The following USP34 variants were observed in gnomAD, a reference collection of about 807,000 sequenced individuals.
The protein encoded by USP34 is ubiquitin specific peptidase 34, also known as ubiquitin carboxyl-terminal hydrolase 34.
USP34 carries 70 observed loss-of-function variants against 460.3 expected under a neutral mutation model. The observed-to-expected ratio is 0.15, with a 90% CI of 0.13 to 0.19. The LOEUF (loss-of-function observed/expected upper bound fraction) is 0.19, where lower values mean the gene tolerates loss of function less well. Ranked by LOEUF, USP34 falls within the 10% of genes least tolerant of loss-of-function variation. The pLI is 1.00. For missense variants in USP34, 3,985 were observed against 4,236.2 expected (o/e 0.94, Z 1.65); for synonymous variants, 1,647 against 1,405.3 (o/e 1.17, Z -3.85).
intron 41 of USP34, among the ~76,000 whole-genome samples, chr2:61,270,476 G>A (rs1689178819): frequency 6.6e-6 from 1 of 152,100 alleles, no homozygotes; most frequent in Admixed American, 6.6e-5. Flanking sequence ...TTGCTTTGTT[G>A]CCAGGCTGGA....
At chr2:61,437,788 A>AATAAATAAATAAATAG (rs1694857133) in intron 1 of USP34, among the ~76,000 whole-genome samples, 1 of 148,760 alleles carries the variant, frequency 6.7e-6, no homozygotes, top group Admixed American at 6.7e-5. Flanking sequence ...TAAATAAATA[A>AATAAATAAATAAATAG]ATAAATAAAT....
intron 23 of USP34, among the ~76,000 whole-genome samples, chr2:61,316,482 G>T (rs895209731): frequency 2.0e-5 from 3 of 151,988 alleles, no homozygotes; most frequent in African/African-American, 7.3e-5. Context: ...CTACTCAAGA[G>T]GCTGAGGCAT....
chr2:61,457,214 T>C (rs568238770), intron 1 of USP34, among the ~76,000 whole-genome samples: 1 of 152,120 alleles, frequency 6.6e-6, no homozygotes, highest in Non-Finnish European at 1.5e-5. Context: ...AGGTCAAGAC[T>C]ACAGTGAGCC....
intron 61 of USP34, among the ~76,000 whole-genome samples, chr2:61,227,587 T>C (rs952114796): frequency 4.7e-4 from 72 of 152,198 alleles, no homozygotes; most frequent in African/African-American, 1.7e-3. Flanking sequence ...GGCACGCGCT[T>C]GTAATCCCTG....
rs1363296271 is a variant in USP34 at position 61,188,267 on chromosome 2, G to C, written c.10476C>G (p.Pro3492=). The change falls in exon 80 of 80, where the codon CCC becomes CCG. Residue 3492 remains proline (P), a synonymous_variant. Coordinates refer to ENST00000398571, the MANE Select transcript of USP34 (RefSeq NM_014709.4). ...DLRSCDGQAL[P]SQDPEVALSL... is the part of the protein sequence containing the mutation. ...ATAAAGCAACCTCAGGGTCCTGGGA[G>C]GGCAAAGCTTGGCCATCACAGCTTC... 1.9e-6 allele frequency: 3 copies of C among 1,614,056 alleles called. No individual in the cohort carries two copies. The South Asian group carries it at 3.3e-5, about 18-fold the overall frequency.
intron 62 of USP34, among the ~76,000 whole-genome samples, chr2:61,225,584 A>T (rs1021574903): frequency 8.1e-5 from 12 of 148,096 alleles, no homozygotes; most frequent in Admixed American, 6.1e-4. Context: ...GGAAACCATT[A>T]AAAAAAAAAG....
At chr2:61,370,000 A>C (rs535816743) in intron 10 of USP34, among the ~76,000 whole-genome samples, 1,624 of 151,734 alleles carry the variant, frequency 0.011, 25 homozygotes, top group African/African-American at 0.036. Flanking sequence ...AAAAAAAAAA[A>C]AACAGTACAT....
intron 57 of USP34, 136 bp downstream of exon 57, chr2:61,235,709 C>A (rs1688048358): frequency 1.4e-6 from 1 of 731,310 alleles, no homozygotes; most frequent in South Asian, 2.0e-5. Flanking sequence ...TTCTCAGCTA[C>A]CAAATGATTT....
chr2:61,225,691 G>A (rs1480903516), intron 62 of USP34, among the ~76,000 whole-genome samples: 1 of 152,070 alleles, frequency 6.6e-6, no homozygotes, highest in Non-Finnish European at 1.5e-5. Flanking sequence ...TACTACTAGG[G>A]CAAATACACG....
intron 61 of USP34, among the ~76,000 whole-genome samples, chr2:61,227,492 T>C (rs558976648): frequency 6.6e-6 from 1 of 152,146 alleles, no homozygotes; most frequent in African/African-American, 2.4e-5. Flanking sequence ...GGGTGGATCA[T>C]TTGAGGTCAG....
chr2:61,350,157 T>C, intron 12 of USP34, 103 bp downstream of exon 12: 1 of 1,292,030 alleles, frequency 7.7e-7, no homozygotes, highest in Non-Finnish European at 1.1e-6. Flanking sequence ...CATCCCACAC[T>C]TATTTTAAAA....
chr2:61,343,681 A>C (rs1388240745), intron 16 of USP34, 134 bp downstream of exon 16: 13 of 878,952 alleles, frequency 1.5e-5, no homozygotes, highest in East Asian at 5.4e-5. Flanking sequence ...AAAAAAAAAA[A>C]CTACCATATG....
chr2:61,193,083 G>T, intron 75 of USP34, 103 bp from the exon 76 acceptor site: 1 of 860,560 alleles, frequency 1.2e-6, no homozygotes, highest in Non-Finnish European at 1.8e-6. Flanking sequence ...AGTCATAACT[G>T]CATATTTTCT....
chr2:61,357,573 A>G (rs990296986), intron 10 of USP34, among the ~76,000 whole-genome samples: 1 of 152,208 alleles, frequency 6.6e-6, no homozygotes, highest in African/African-American at 2.4e-5. Context: ...GAAGAAAATG[A>G]TTAGAGATAA....
At chr2:61,416,067 A>G (rs1558581691) in intron 2 of USP34, among the ~76,000 whole-genome samples, 2 of 152,230 alleles carry the variant, frequency 1.3e-5, no homozygotes, top group Non-Finnish European at 2.9e-5. Context: ...AATTCTGCTG[A>G]AAGAATGAAA....
chr2:61,221,610 T>C lies in USP34; in HGVS notation c.7795-4A>G, dbSNP rs779355581. ...ACTTAAAGAAAGGATTGGCTGCCTG[T>C]AAAACACATACATGACTGTGTATTT... On this transcript the variant is annotated splice_region_variant and splice_polypyrimidine_tract_variant and intron_variant, in intron 65 of 79. Coordinates refer to ENST00000398571, the MANE Select transcript of USP34 (RefSeq NM_014709.4). 1.9e-5 allele frequency: 31 copies of C among 1,613,486 alleles called. No individual in the cohort carries two copies. Among genetic ancestry groups the C allele is most frequent in the Non-Finnish European group, 2.1e-5 (25 of 1,179,640 alleles).
intron 49 of USP34, 144 bp downstream of exon 49, chr2:61,248,367 G>A: frequency 1.4e-6 from 1 of 730,508 alleles, no homozygotes; most frequent in East Asian, 2.8e-5. Flanking sequence ...TTAACTGACT[G>A]AATGCATGAC....
chr2:61,341,810 G>C (rs980108962), intron 16 of USP34, among the ~76,000 whole-genome samples: 5 of 146,686 alleles, frequency 3.4e-5, no homozygotes, highest in African/African-American at 1.3e-4. Context: ...GCCCAGGCTG[G>C]AGTGGAGTGG....
chr2:61,363,743 A>G (rs1344989686), intron 10 of USP34, among the ~76,000 whole-genome samples: 2 of 152,218 alleles, frequency 1.3e-5, no homozygotes, highest in Non-Finnish European at 2.9e-5. Context: ...AATGGAACAG[A>G]TATTTGTAAA....
Sources: gnomAD v4.1 joint callset for allele counts (sites outside exome capture counted in the v4.1 genomes callset) on GRCh38, gnomAD v4.1.1 for gene constraint, MANE v1.5 for transcripts, NCBI Gene and HGNC (gene_info 2026-07-23, HGNC 2026-07-21) for gene names.